The following STX5 variants were observed in gnomAD, a reference collection of about 807,000 sequenced individuals.
The protein encoded by STX5 is syntaxin 5.
In STX5, 15 loss-of-function variants were observed where a neutral mutation model predicts 42.9. The ratio of observed to expected loss-of-function variants is 0.35; its 90% confidence interval spans 0.23 to 0.54. The LOEUF (loss-of-function observed/expected upper bound fraction) is 0.54, where lower values mean the gene tolerates loss of function less well. Among genes scored for constraint, STX5 ranks in the 20% least tolerant of loss-of-function variants. The probability of loss-of-function intolerance (pLI) is 0.91; values close to 1 mark genes in which losing one functional copy is unlikely to be tolerated. For synonymous variants in STX5, 184 were observed against 173.2 expected (o/e 1.06, Z -0.49); for missense variants, 430 against 455.0 (o/e 0.95, Z 0.50).
chr11:62,808,241 C>T (rs548558315), intron 10 of STX5, among the ~76,000 whole-genome samples: 2 of 151,892 alleles, frequency 1.3e-5, no homozygotes, highest in Admixed American at 6.6e-5. Context: ...GCCTAGGCAA[C>T]ATGGCAAAAC....
rs1565204927 is a variant in STX5 at position 62,807,285 on chromosome 11, TG to T, written c.*183del. The T allele has an allele frequency of 1.4e-5, 11 of 808,206 alleles. No homozygotes were observed. The highest frequency in any genetic ancestry group is 3.8e-4 in the Middle Eastern group (1 of 2,640). The allele number at this position is 808,206 out of a possible 1,614,324, so 50.1% of individuals were successfully genotyped here. A position where few individuals can be genotyped will look rare whatever the true frequency, so the allele number is the denominator to read the frequency against. ...GTGTGTTTCATAGGCCTGAGGGTGG[TG>T]GGGGGAGGACAGGGTGGCCAGAGGC... is the stretch of plus-strand genomic sequence containing the variant. On this transcript the variant is annotated 3_prime_UTR_variant, in exon 11 of 11. Coordinates refer to ENST00000294179, the MANE Select transcript of STX5 (RefSeq NM_003164.5).
At chr11:62,816,109 C>T (rs945044887) in intron 10 of STX5, 2 of 152,112 alleles carry the variant, frequency 1.3e-5, no homozygotes, top group Admixed American at 6.5e-5. Flanking sequence ...TCTTAGGAGA[C>T]GCATGTTAAA....
rs1437221357 is a variant in STX5 at position 62,827,151 on chromosome 11, T to C, written c.423+4A>G. 1 of 1,613,686 alleles carries C rather than the reference T, an allele frequency of 6.2e-7. No homozygotes were observed. Among genetic ancestry groups the C allele is most frequent in the Non-Finnish European group, 8.5e-7 (1 of 1,179,692 alleles). On this transcript the variant is annotated splice_donor_region_variant and intron_variant, in intron 5 of 10. Transcript: ENST00000294179. The stretch of plus-strand genomic sequence containing the variant: ...CTGGGCTCTCCTGATGGCTAGTAGC[T>C]CACCTGTTTGATGATATATGTTAGC...
intron 10 of STX5, among the ~76,000 whole-genome samples, chr11:62,810,580 G>C (rs566025600): frequency 6.6e-6 from 1 of 152,160 alleles, no homozygotes; most frequent in Admixed American, 6.5e-5. Context: ...AAATGACTGA[G>C]CAACATTAGA....
chr11:62,822,422 G>C (rs1391760735), intron 10 of STX5, among the ~76,000 whole-genome samples: 1 of 152,138 alleles, frequency 6.6e-6, no homozygotes, highest in Non-Finnish European at 1.5e-5. Flanking sequence ...AAAAGCTAAA[G>C]CCTACCAATG....
intron 10 of STX5, among the ~76,000 whole-genome samples, chr11:62,813,193 G>A (rs911991720): frequency 6.6e-6 from 1 of 151,822 alleles, no homozygotes. Flanking sequence ...AGAATCACTT[G>A]AACCTGGGAG....
chr11:62,817,353 T>C (rs2084684969), intron 10 of STX5, among the ~76,000 whole-genome samples: 1 of 152,208 alleles, frequency 6.6e-6, no homozygotes, highest in South Asian at 2.1e-4. Flanking sequence ...CTCGAGGTTC[T>C]GCTTCCAGTA....
At chr11:62,825,634 G>A in intron 5 of STX5, 95 bp from the exon 6 acceptor site, 1 of 1,109,598 alleles carries the variant, frequency 9.0e-7, no homozygotes, top group Non-Finnish European at 1.4e-6. Flanking sequence ...AGGACAAGGT[G>A]GAAGTTACTA....
At chr11:62,812,249 G>C (rs1423065970) in intron 10 of STX5, among the ~76,000 whole-genome samples, 1 of 150,194 alleles carries the variant, frequency 6.7e-6, no homozygotes, top group Non-Finnish European at 1.5e-5. Flanking sequence ...GGCTAATTTT[G>C]TATTTTTAGT....
intron 10 of STX5, among the ~76,000 whole-genome samples, chr11:62,812,548 A>T (rs1277923629): frequency 6.6e-6 from 1 of 151,724 alleles, no homozygotes; most frequent in Non-Finnish European, 1.5e-5. Flanking sequence ...CCTCCCTAGT[A>T]GCTGGGACTA....
chr11:62,823,861 C>A (rs2084765239), intron 10 of STX5: 1 of 354,396 alleles, frequency 2.8e-6, no homozygotes, highest in South Asian at 2.9e-5. Flanking sequence ...CTTGTCAGTT[C>A]TTTTCCACAG....
intron 10 of STX5, among the ~76,000 whole-genome samples, chr11:62,820,926 T>C (rs1590970221): frequency 1.3e-5 from 2 of 152,214 alleles, no homozygotes; most frequent in Non-Finnish European, 1.5e-5. Flanking sequence ...TCTTGCTATA[T>C]GTCATTGTTG....
At chr11:62,825,215 C>T in intron 7 of STX5, 68 bp downstream of exon 7, 3 of 1,606,602 alleles carry the variant, frequency 1.9e-6, no homozygotes, top group Non-Finnish European at 2.6e-6. Flanking sequence ...TAGAACTTGT[C>T]CCTTCTTCAT....
chr11:62,829,093 C>CAA (rs1447854150), intron 2 of STX5, among the ~76,000 whole-genome samples: 6 of 151,044 alleles, frequency 4.0e-5, no homozygotes, highest in African/African-American at 1.5e-4. Context: ...AACAAACAAA[C>CAA]ACAAACTGCT....
Position 62,827,209 on chromosome 11 carries a change from G to A in STX5, c.369C>T (p.Ser123=), listed in dbSNP as rs2084805662. ...TTTCCACTGCTTTATCATCAAAGAG[G>A]GACTTGCGCTTTGCCACTACAGAGA... ...EKLTILAKRK[S]LFDDKAVEIE... The change falls in exon 5 of 11, where the codon TCC becomes TCT. Residue 123 remains serine (S), a synonymous_variant. Transcript: ENST00000294179. 6.2e-7 allele frequency: 1 copy of A among 1,614,008 alleles called. No individual in the cohort carries two copies. The highest frequency in any genetic ancestry group is 1.3e-5 in the African/African-American group (1 of 74,892).
intron 8 of STX5, 85 bp downstream of exon 8, chr11:62,824,951 C>T (rs1310539099): frequency 2.1e-6 from 3 of 1,401,788 alleles, no homozygotes; most frequent in Non-Finnish European, 3.0e-6. Flanking sequence ...CACTCTCCTA[C>T]CCAACCCGTG....
intron 10 of STX5, chr11:62,823,902 C>A (rs1479789583): frequency 6.3e-6 from 3 of 474,766 alleles, no homozygotes; most frequent in African/African-American, 5.9e-5. Context: ...AAATTCCATA[C>A]ACTTACACAT....
chr11:62,827,858 A>C (rs482331), intron 2 of STX5, among the ~76,000 whole-genome samples: 2,986 of 152,140 alleles, frequency 0.02, 98 homozygotes, highest in African/African-American at 0.068. Context: ...GGGGCGAGTT[A>C]CTTAAAACAT....
rs538939395 is a variant in STX5 at position 62,818,964 on chromosome 11, A to T, written c.908+5202T>A. 4.1e-3 allele frequency among the ~76,000 whole-genome samples: 622 copies of T among 152,162 alleles called. 1 individual carries two copies. The highest frequency in any genetic ancestry group is 6.1e-3 in the Non-Finnish European group (414 of 68,000). ...GCCGGGTGCGGTGGCTCGTGCCTGTAATCCCAGCACTTTGGGAGGCCGAGG... is the reference window on the plus strand; with the variant it reads ...GCCGGGTGCGGTGGCTCGTGCCTGTTATCCCAGCACTTTGGGAGGCCGAGG... On this transcript the variant is annotated intron_variant, in intron 10 of 10. Coordinates refer to ENST00000294179, the MANE Select transcript of STX5 (RefSeq NM_003164.5).
Sources: allele counts gnomAD v4.1 joint callset (sites outside exome capture counted in the v4.1 genomes callset), GRCh38; gene constraint gnomAD v4.1.1; transcripts MANE v1.5; gene names NCBI Gene and HGNC (gene_info 2026-07-23, HGNC 2026-07-21).